The following TTC28 variants were observed in gnomAD, a reference collection of about 807,000 sequenced individuals.
The protein encoded by TTC28 is tetratricopeptide repeat domain 28.
A neutral mutation model predicts 198.0 loss-of-function variants in TTC28; 61 were observed. That is an observed-to-expected ratio of 0.31 (90% CI 0.25 to 0.38). TTC28 has a LOEUF of 0.38. TTC28 is among the 10% of genes least tolerant of loss of function. The pLI is 1.00. For synonymous variants in TTC28, 1,171 were observed against 1,297.8 expected, an observed-to-expected ratio of 0.90 and a Z score of 2.10; for missense variants, 2,678 against 3,164.0, an observed-to-expected ratio of 0.85 and a Z score of 3.69.
At chr22:28,180,104 C>T (rs1409882172) in intron 5 of TTC28, among the ~76,000 whole-genome samples, 2 of 152,046 alleles carry the variant, frequency 1.3e-5, no homozygotes, top group African/African-American at 4.8e-5. Context: ...AATAGCTACT[C>T]AAAAATAAAC....
At chr22:28,142,932 C>A (rs1009080638) in intron 6 of TTC28, among the ~76,000 whole-genome samples, 1 of 152,198 alleles carries the variant, frequency 6.6e-6, no homozygotes, top group East Asian at 1.9e-4. Context: ...AATGTACATA[C>A]AACCAAGCCA....
intron 2 of TTC28, among the ~76,000 whole-genome samples, chr22:28,408,430 A>G (rs940983165): frequency 1.3e-5 from 2 of 152,006 alleles, no homozygotes; most frequent in African/African-American, 2.4e-5. Flanking sequence ...TCACTCTGTC[A>G]CCCAGGCTGG....
chr22:28,246,383 T>C (rs948123150), intron 5 of TTC28, among the ~76,000 whole-genome samples: 3 of 152,192 alleles, frequency 2.0e-5, no homozygotes, highest in African/African-American at 4.8e-5. Context: ...TTGCTGAATC[T>C]GTAAAATAAA....
intron 1 of TTC28, among the ~76,000 whole-genome samples, chr22:28,631,561 T>C (rs905391931): frequency 3.3e-5 from 5 of 152,154 alleles, no homozygotes; most frequent in Non-Finnish European, 7.3e-5. Context: ...TCTTGCTCTG[T>C]CACCCAGGCT....
At chr22:28,612,146 T>C (rs1008466654) in intron 2 of TTC28, among the ~76,000 whole-genome samples, 8 of 151,688 alleles carry the variant, frequency 5.3e-5, no homozygotes, top group African/African-American at 1.9e-4. Flanking sequence ...ACCAAGCAAA[T>C]GGAGAGCAAA....
At chr22:28,463,835 C>T (rs1433031664) in intron 2 of TTC28, among the ~76,000 whole-genome samples, 2 of 151,992 alleles carry the variant, frequency 1.3e-5, no homozygotes, top group African/African-American at 4.8e-5. Context: ...GGGTGCAGCA[C>T]ACCAACATGG....
chr22:28,318,067 T>G (rs2045379971), intron 2 of TTC28, among the ~76,000 whole-genome samples: 1 of 146,152 alleles, frequency 6.8e-6, no homozygotes, highest in Admixed American at 7.2e-5. Context: ...CCAACCCAGC[T>G]AATTAATTTT....
intron 2 of TTC28, among the ~76,000 whole-genome samples, chr22:28,622,895 C>T (rs2051022511): frequency 6.6e-6 from 1 of 151,768 alleles, no homozygotes; most frequent in Non-Finnish European, 1.5e-5. Context: ...AATCTCGGCT[C>T]ACTGCAACTT....
At chr22:28,529,321 T>G (rs1446469411) in intron 2 of TTC28, among the ~76,000 whole-genome samples, 2 of 152,098 alleles carry the variant, frequency 1.3e-5, no homozygotes, top group African/African-American at 4.8e-5. Context: ...AGCACAGCAG[T>G]CTGAGATCGA....
chr22:28,372,401 C>T (rs1427080266), intron 2 of TTC28, among the ~76,000 whole-genome samples: 3 of 152,062 alleles, frequency 2.0e-5, no homozygotes, highest in Non-Finnish European at 4.4e-5. Context: ...ATTACTGCTG[C>T]TTTGAAACTG....
intron 2 of TTC28, among the ~76,000 whole-genome samples, chr22:28,486,373 C>G (rs1231517516): frequency 1.3e-5 from 2 of 152,074 alleles, no homozygotes; most frequent in African/African-American, 4.8e-5. Context: ...ATGAGACTAG[C>G]TGCACACTGA....
chr22:28,152,664 A>G (rs941688628), intron 6 of TTC28, among the ~76,000 whole-genome samples: 2 of 152,252 alleles, frequency 1.3e-5, no homozygotes, highest in Admixed American at 1.3e-4. Flanking sequence ...ACCTTTTGAC[A>G]TATTAAGAGG....
chr22:28,529,265 T>TGCATGACTCAGATGGTCCCAC lies in TTC28; in HGVS notation c.381+100266_381+100286dup, dbSNP rs2049077865. Among the ~76,000 whole-genome samples the TGCATGACTCAGATGGTCCCAC allele has an allele frequency of 2.0e-5, 3 of 151,838 alleles. No homozygotes were observed. In the South Asian group the frequency reaches 6.2e-4, roughly 31 times the overall value. On this transcript the variant is annotated intron_variant, in intron 2 of 22. Transcript: ENST00000397906. Reference sequence around the variant, plus strand: ...AAATGGCACACCAGATTATATCCCATGCATGACTCAGATGGTCCCACGCCC... The same window carrying TGCATGACTCAGATGGTCCCAC: ...AAATGGCACACCAGATTATATCCCATGCATGACTCAGATGGTCCCACGCATGACTCAGATGGTCCCACGCCC...
At chr22:28,329,545 G>T (rs1012231202) in intron 2 of TTC28, among the ~76,000 whole-genome samples, 1 of 152,132 alleles carries the variant, frequency 6.6e-6, no homozygotes, top group Non-Finnish European at 1.5e-5. Context: ...GGTAAAGAAA[G>T]GTTAAATTTT....
At chr22:27,987,974 A>G (rs1937269220) in intron 21 of TTC28, among the ~76,000 whole-genome samples, 2 of 152,184 alleles carry the variant, frequency 1.3e-5, no homozygotes, top group Admixed American at 1.3e-4. Context: ...GCACTTTGGG[A>G]GGCTGTGTGG....
chr22:28,253,465 A>T (rs1029970733), intron 5 of TTC28, among the ~76,000 whole-genome samples: 1 of 152,112 alleles, frequency 6.6e-6, no homozygotes, highest in African/African-American at 2.4e-5. Context: ...TTACACATTT[A>T]TTTGTTTGCT....
intron 2 of TTC28, among the ~76,000 whole-genome samples, chr22:28,380,293 CTGTT>C (rs1318505866): frequency 1.3e-5 from 2 of 152,140 alleles, no homozygotes; most frequent in Middle Eastern, 3.4e-3. Flanking sequence ...TGTGTTTTGT[CTGTT>C]TGTTTTAATT....
chr22:28,188,568 TGGG>T (rs765536227), intron 5 of TTC28, among the ~76,000 whole-genome samples: 1 of 152,116 alleles, frequency 6.6e-6, no homozygotes, highest in African/African-American at 2.4e-5. Flanking sequence ...GGGGCCAAGA[TGGG>T]GGCCTACTGT....
In TTC28 at chr22:27,982,343, C is replaced by T. The variant is rs1267769808; in HGVS notation, c.7324G>A (p.Gly2442Ser). The change falls in exon 23 of 23, where the codon GGC (glycine) becomes AGC (serine). Residue 2442 changes from glycine (G) to serine (S), a missense_variant. Physicochemically the swap from Gly to Ser is moderately conservative, Grantham distance 56. Coordinates refer to ENST00000397906, the MANE Select transcript of TTC28 (RefSeq NM_001145418.2). The surrounding 1 kb of genome is among the most constrained non-coding windows in gnomAD (Gnocchi z 5.2). Reference sequence around the variant, plus strand: ...GGGCCGGCGGGCAGCGGCAGTGAGCCCAGCGAGGTGGTCTCGGTGCGCCAG... The same window carrying T: ...GGGCCGGCGGGCAGCGGCAGTGAGCTCAGCGAGGTGGTCTCGGTGCGCCAG... ...GHWRTETTSL[G>S]SLPLPAGPPA... is the part of the protein sequence containing the mutation. 1.9e-6 allele frequency: 3 copies of T among 1,543,428 alleles called. No homozygotes were observed. The highest frequency in any genetic ancestry group is 2.6e-6 in the Non-Finnish European group (3 of 1,142,250).
Sources: gnomAD v4.1 joint callset for allele counts (sites outside exome capture counted in the v4.1 genomes callset) on GRCh38, gnomAD v4.1.1 for gene constraint, Gnocchi (gnomAD v3.1) non-coding constraint, MANE v1.5 for transcripts, NCBI Gene and HGNC (gene_info 2026-07-23, HGNC 2026-07-21) for gene names.